TSC22D1: variants seen among roughly 807,000 people sequenced by gnomAD.
The protein encoded by TSC22D1 is TSC22 domain family member 1, also known as TSC22 domain family protein 1.
Under a neutral mutation model 74.2 loss-of-function variants are expected in TSC22D1, and 9 were observed. The ratio of observed to expected loss-of-function variants is 0.12; its 90% CI spans 0.07 to 0.21. The LOEUF is 0.21. Among genes scored for constraint, TSC22D1 ranks in the 10% least tolerant of loss-of-function variants. TSC22D1 has a pLI of 1.00. For missense variants in TSC22D1, 1,427 were observed against 1,304.7 expected, an observed-to-expected ratio of 1.09 and a Z score of -1.44; for synonymous variants, 586 against 492.5, an observed-to-expected ratio of 1.19 and a Z score of -2.51.
Position 44,573,749 on chromosome 13 carries a change from C to T in TSC22D1, c.2326G>A (p.Gly776Arg), listed in dbSNP as rs1883955755. 2 of 1,614,032 alleles carry T rather than the reference C, an allele frequency of 1.2e-6. No homozygotes were observed. Among genetic ancestry groups the T allele is most frequent in the Admixed American group, 3.3e-5 (2 of 60,008 alleles). The change falls in exon 1 of 3, where the codon GGA becomes AGA. Residue 776 changes from glycine to arginine, a missense_variant. Coordinates refer to ENST00000458659, the MANE Select transcript of TSC22D1 (RefSeq NM_183422.4). ...AGGCTTGGAGCACTAGTTTGAACTC[C>T]CTGATGAATAATCCCAGTTTGAGCA... Reference protein sequence around the residue: ...PPAQTGIIHQGVQTSAPSLPQ... With the variant: ...PPAQTGIIHQRVQTSAPSLPQ...
chr13:44,549,006 G>A (rs1470941885), intron 1 of TSC22D1, among the ~76,000 whole-genome samples: 4 of 152,094 alleles, frequency 2.6e-5, no homozygotes, highest in Non-Finnish European at 4.4e-5. Flanking sequence ...TAATAAACTA[G>A]ATTCAGAGCT....
At chr13:44,473,328 C>T (rs1430049221) in intron 1 of TSC22D1, among the ~76,000 whole-genome samples, 3 of 151,858 alleles carry the variant, frequency 2.0e-5, no homozygotes, top group African/African-American at 7.3e-5. Context: ...AAACCCATCT[C>T]TACAAAAAAT....
chr13:44,448,623 A>G (rs1291161386), intron 1 of TSC22D1, among the ~76,000 whole-genome samples: 20 of 152,192 alleles, frequency 1.3e-4, no homozygotes, highest in Non-Finnish European at 1.8e-4. Flanking sequence ...CAAGGGACAC[A>G]TTTCTACATT....
intron 1 of TSC22D1, among the ~76,000 whole-genome samples, chr13:44,496,915 A>G (rs117451872): frequency 6.6e-6 from 1 of 152,126 alleles, no homozygotes; most frequent in Non-Finnish European, 1.5e-5. Flanking sequence ...ATGGAAAATA[A>G]CAAGTGTTGG....
intron 1 of TSC22D1, among the ~76,000 whole-genome samples, chr13:44,499,810 G>A (rs1385141164): frequency 6.6e-6 from 1 of 152,036 alleles, no homozygotes; most frequent in Non-Finnish European, 1.5e-5. Flanking sequence ...CAGCTAGCCG[G>A]GTGCAGTGGC....
chr13:44,575,436 C>G lies in TSC22D1; in HGVS notation c.639G>C (p.Gly213=), dbSNP rs750082035. Residue 213 remains glycine (G), a synonymous_variant, in exon 1 of 3, where the codon GGG becomes GGC. Transcript: ENST00000458659. ...HLPQQNVVIN[G]NAHPHHLHHH... ...GATGGAGGTGGTGTGGATGAGCATTCCCATTGATCACAACATTCTGTTGTG... is the reference window on the plus strand; with the variant it reads ...GATGGAGGTGGTGTGGATGAGCATTGCCATTGATCACAACATTCTGTTGTG... The G allele has an allele frequency of 2.4e-5, 38 of 1,613,810 alleles. No homozygotes were observed. The highest frequency in any genetic ancestry group is 3.0e-5 in the Non-Finnish European group (35 of 1,179,952).
At position 44,576,270 on chromosome 13, in the gene TSC22D1, G is replaced by T; in HGVS notation, c.-196C>A. 3 of 773,080 alleles carry T rather than the reference G, an allele frequency of 3.9e-6. No individual in the cohort carries two copies. The highest frequency in any genetic ancestry group is 6.0e-6 in the Non-Finnish European group (3 of 503,366). The allele number at this position is 773,080 out of a possible 1,614,324, so 47.9% of individuals were successfully genotyped here. A position where few individuals can be genotyped will look rare whatever the true frequency, so the allele number is the denominator to read the frequency against. ...AGCTTCGGAAAGGAGGATGAACGAGGGTGAACAGGGCGGCCGGGGACCCGA... is the reference window on the plus strand; with the variant it reads ...AGCTTCGGAAAGGAGGATGAACGAGTGTGAACAGGGCGGCCGGGGACCCGA... On this transcript the variant is annotated 5_prime_UTR_variant, in exon 1 of 3. Transcript: ENST00000458659.
intron 1 of TSC22D1, chr13:44,539,205 C>T: frequency 2.0e-6 from 2 of 985,200 alleles, no homozygotes; most frequent in Non-Finnish European, 2.4e-6. Flanking sequence ...AACTTACATT[C>T]ATTCATACTT....
intron 1 of TSC22D1, among the ~76,000 whole-genome samples, chr13:44,561,874 ATT>A (rs1433388242): frequency 6.6e-6 from 1 of 152,172 alleles, no homozygotes; most frequent in Non-Finnish European, 1.5e-5. Context: ...ATCTTTTGTC[ATT>A]TTTCTTAAAT....
intron 1 of TSC22D1, chr13:44,516,244 G>T: frequency 2.7e-6 from 1 of 368,512 alleles, no homozygotes; most frequent in South Asian, 2.4e-5. Flanking sequence ...GTTTACTTGA[G>T]ACTTTGGGGG....
intron 1 of TSC22D1, among the ~76,000 whole-genome samples, chr13:44,442,650 C>A (rs1377963484): frequency 6.6e-6 from 1 of 152,124 alleles, no homozygotes; most frequent in Non-Finnish European, 1.5e-5. Flanking sequence ...GGTGTGGTGG[C>A]TCATGCCTGT....
intron 1 of TSC22D1, among the ~76,000 whole-genome samples, chr13:44,545,208 G>A (rs1205533836): frequency 3.3e-5 from 5 of 151,918 alleles, no homozygotes; most frequent in African/African-American, 7.3e-5. Context: ...GGTGGCACAC[G>A]CCTGTAGTCC....
At chr13:44,489,254 G>A (rs1878593480) in intron 1 of TSC22D1, among the ~76,000 whole-genome samples, 1 of 150,072 alleles carries the variant, frequency 6.7e-6, no homozygotes, top group Non-Finnish European at 1.5e-5. Context: ...ACTGTGAAAG[G>A]TAAAACTGTT....
At chr13:44,452,854 A>C (rs1408384944) in intron 1 of TSC22D1, 2 of 152,358 alleles carry the variant, frequency 1.3e-5, no homozygotes, top group Non-Finnish European at 2.9e-5. Context: ...AACCGAACAG[A>C]GTGCCATATC....
rs1399688344 is a variant in TSC22D1 at position 44,518,225 on chromosome 13, A to C, written c.2912+54938T>G. Among the ~76,000 whole-genome samples the C allele has an allele frequency of 2.0e-5, 3 of 152,056 alleles. No homozygotes were observed. The South Asian group carries it at 6.2e-4, about 31-fold the overall frequency. On this transcript the variant is annotated intron_variant, in intron 1 of 2. Coordinates refer to ENST00000458659, the MANE Select transcript of TSC22D1 (RefSeq NM_183422.4). ...CATGTTCAAAATAATTTTGATGAAA[A>C]AAGAAGTTAAACATCTCAGAAGTGC...
chr13:44,436,790 A>G, intron 1 of TSC22D1: 1 of 1,439,310 alleles, frequency 6.9e-7, no homozygotes, highest in African/African-American at 1.4e-5. Flanking sequence ...GATCCCAGGC[A>G]GATGCGGATC....
chr13:44,508,662 T>C (rs1879547968), intron 1 of TSC22D1, among the ~76,000 whole-genome samples: 2 of 152,224 alleles, frequency 1.3e-5, no homozygotes, highest in African/African-American at 2.4e-5. Context: ...CAAAGCTCTA[T>C]TCACAGTATA....
chr13:44,565,175 T>C (rs966647755), intron 1 of TSC22D1, among the ~76,000 whole-genome samples: 1 of 152,152 alleles, frequency 6.6e-6, no homozygotes, highest in African/African-American at 2.4e-5. Flanking sequence ...GCATACAAAC[T>C]GTCTTTACAG....
At chr13:44,454,289 T>C (rs1876384776) in intron 1 of TSC22D1, among the ~76,000 whole-genome samples, 1 of 152,192 alleles carries the variant, frequency 6.6e-6, no homozygotes, top group Non-Finnish European at 1.5e-5. Context: ...GATAACTAAA[T>C]TAAATGAGTG....
Sources: gnomAD v4.1 joint callset for allele counts (sites outside exome capture counted in the v4.1 genomes callset) on GRCh38, gnomAD v4.1.1 for gene constraint, MANE v1.5 for transcripts, NCBI Gene and HGNC (gene_info 2026-07-23, HGNC 2026-07-21) for gene names.